The following SEPTIN11 variants were observed in gnomAD, a reference collection of about 807,000 sequenced individuals.
SEPTIN11 encodes septin 11.
SEPTIN11 carries 25 observed loss-of-function variants against 51.4 expected under a neutral mutation model. The ratio of observed to expected loss-of-function variants is 0.49; its 90% CI spans 0.35 to 0.68. The LOEUF is 0.68. Among genes scored for constraint, SEPTIN11 ranks in the 30% least tolerant of loss-of-function variants. SEPTIN11 has a pLI of 0.00. For synonymous variants in SEPTIN11, 174 were observed against 184.1 expected, an observed-to-expected ratio of 0.95 and a Z score of 0.44; for missense variants, 381 against 520.8, an observed-to-expected ratio of 0.73 and a Z score of 2.61.
chr4:77,036,447 T>C lies in SEPTIN11; in HGVS notation c.*1935T>C. The C allele has an allele frequency of 8.4e-7, 1 of 1,192,134 alleles. No homozygotes were observed. The highest frequency in any genetic ancestry group is 1.0e-6 in the Non-Finnish European group (1 of 956,470). The allele number at this position is 1,192,134 out of a possible 1,614,324, so 73.8% of individuals were successfully genotyped here. A position where few individuals can be genotyped will look rare whatever the true frequency, so the allele number is the denominator to read the frequency against. On this transcript the variant is annotated 3_prime_UTR_variant, in exon 10 of 10. Transcript: ENST00000264893. ...ACCACCGCTTGTGTGAGCATTTTTG[T>C]GGCTTGTACAGAAAGTACACTTTTA...
chr4:76,998,474 C>T (rs1325989048), intron 2 of SEPTIN11, among the ~76,000 whole-genome samples: 1 of 152,210 alleles, frequency 6.6e-6, no homozygotes, highest in East Asian at 1.9e-4. Context: ...TGGAAGCTGC[C>T]TGCATTCCTT....
At chr4:76,986,891 C>T (rs1723061439) in intron 1 of SEPTIN11, among the ~76,000 whole-genome samples, 1 of 151,800 alleles carries the variant, frequency 6.6e-6, no homozygotes, top group Non-Finnish European at 1.5e-5. Context: ...TCAAATGTTA[C>T]AGAAACAAAA....
At chr4:76,998,362 T>A (rs144814303) in intron 2 of SEPTIN11, among the ~76,000 whole-genome samples, 102 of 152,296 alleles carry the variant, frequency 6.7e-4, no homozygotes, top group African/African-American at 2.4e-3. Flanking sequence ...AGGAAATTGC[T>A]TTTGGTGGCT....
intron 1 of SEPTIN11, among the ~76,000 whole-genome samples, chr4:76,965,083 G>T (rs189234070): frequency 3.9e-5 from 6 of 152,154 alleles, no homozygotes; most frequent in Non-Finnish European, 7.4e-5. Context: ...GCAGAGATAT[G>T]CCTAAGTCTG....
rs559238220 is a variant in SEPTIN11 at position 77,029,599 on chromosome 4, G to T, written c.1086+838G>T. On this transcript the variant is annotated intron_variant, in intron 8 of 9. Coordinates refer to ENST00000264893, the MANE Select transcript of SEPTIN11 (RefSeq NM_018243.4). ...TTGCTGTTGGCTTCAAGAACCAAGGGGATGCTGGGTAAAAAATCTAAAATT... is the reference window on the plus strand; with the variant it reads ...TTGCTGTTGGCTTCAAGAACCAAGGTGATGCTGGGTAAAAAATCTAAAATT... Among the ~76,000 whole-genome samples the T allele has an allele frequency of 2.1e-3, 324 of 152,092 alleles. 1 individual carries two copies. Among genetic ancestry groups the T allele is most frequent in the African/African-American group, 7.6e-3 (315 of 41,466 alleles).
At chr4:77,002,543 T>C (rs1246527083) in intron 2 of SEPTIN11, among the ~76,000 whole-genome samples, 2 of 152,214 alleles carry the variant, frequency 1.3e-5, no homozygotes, top group East Asian at 1.9e-4. Flanking sequence ...TGAAAAGAAG[T>C]TGGCTCTGCT....
intron 1 of SEPTIN11, among the ~76,000 whole-genome samples, chr4:76,981,378 C>G (rs1022650892): frequency 6.6e-6 from 1 of 152,136 alleles, no homozygotes. Context: ...ATTAACTGAT[C>G]AAGACAAGAA....
At chr4:77,008,341 G>A (rs530507747) in intron 3 of SEPTIN11, among the ~76,000 whole-genome samples, 81 of 152,280 alleles carry the variant, frequency 5.3e-4, no homozygotes, top group African/African-American at 1.9e-3. Context: ...GCCCTCAAAG[G>A]CAGAGATAAT....
chr4:77,010,864 GTGGGTTTCCCACAATGACCTAATATA>G (rs1365744462), intron 3 of SEPTIN11, among the ~76,000 whole-genome samples: 1 of 152,218 alleles, frequency 6.6e-6, no homozygotes, highest in Non-Finnish European at 1.5e-5. Flanking sequence ...GAAAGAATTA[GTGGGTTTCCCACAATGACCTAATATA>G]CTACTTACTT....
chr4:77,001,965 C>T (rs1724150439), intron 2 of SEPTIN11, among the ~76,000 whole-genome samples: 1 of 152,124 alleles, frequency 6.6e-6, no homozygotes, highest in Non-Finnish European at 1.5e-5. Flanking sequence ...ACAGTGAGAC[C>T]CTGTCTGTTA....
intron 3 of SEPTIN11, among the ~76,000 whole-genome samples, chr4:77,011,449 AG>A (rs1471549273): frequency 6.7e-6 from 1 of 150,192 alleles, no homozygotes; most frequent in Non-Finnish European, 1.5e-5. Flanking sequence ...GGAGAAGAGT[AG>A]GAAAAAGACA....
chr4:77,036,383 A>T lies in SEPTIN11; in HGVS notation c.*1871A>T. 1 of 1,078,990 alleles carries T rather than the reference A, an allele frequency of 9.3e-7. No individual in the cohort carries two copies. Among genetic ancestry groups the T allele is most frequent in the African/African-American group, 1.7e-5 (1 of 58,380 alleles). 66.8% of individuals were successfully genotyped at this position (1,078,990 alleles called of 1,614,324 possible). A position where few individuals can be genotyped will look rare whatever the true frequency, so the allele number is the denominator to read the frequency against. ...TGAATTTGCTCATAGGCTGTGCATC[A>T]GACAAAAGCTTGAATATTTGTGTTG... On this transcript the variant is annotated 3_prime_UTR_variant, in exon 10 of 10. Transcript: ENST00000264893.
chr4:77,025,101 T>TG (rs1314334768), intron 7 of SEPTIN11, among the ~76,000 whole-genome samples: 1 of 141,706 alleles, frequency 7.1e-6, no homozygotes, highest in Non-Finnish European at 1.6e-5. Flanking sequence ...TCCCAAGGGC[T>TG]GTTAAGAGGA....
intron 1 of SEPTIN11, among the ~76,000 whole-genome samples, chr4:76,970,234 G>T (rs1429296688): frequency 6.6e-6 from 1 of 152,188 alleles, no homozygotes; most frequent in Non-Finnish European, 1.5e-5. Context: ...AGGAGGACTA[G>T]TTTTCTGAAT....
intron 2 of SEPTIN11, among the ~76,000 whole-genome samples, chr4:77,002,177 T>C (rs1339906744): frequency 5.3e-5 from 8 of 152,228 alleles, no homozygotes; most frequent in Admixed American, 4.6e-4. Context: ...AGTGGTTTTT[T>C]TCAACCCATT....
At chr4:76,998,787 C>G (rs924342149) in intron 2 of SEPTIN11, among the ~76,000 whole-genome samples, 1 of 152,074 alleles carries the variant, frequency 6.6e-6, no homozygotes, top group African/African-American at 2.4e-5. Context: ...GTCAGCATCA[C>G]CAGCCGAGCA....
chr4:76,964,579 A>G (rs1482179588), intron 1 of SEPTIN11, among the ~76,000 whole-genome samples: 1 of 152,228 alleles, frequency 6.6e-6, no homozygotes, highest in Non-Finnish European at 1.5e-5. Context: ...AGGATGAAGT[A>G]TATGGATGGT....
chr4:77,007,251 C>T (rs1724547787), intron 3 of SEPTIN11, among the ~76,000 whole-genome samples: 1 of 152,196 alleles, frequency 6.6e-6, no homozygotes, highest in Admixed American at 6.5e-5. Flanking sequence ...TCATTGCATA[C>T]TCACAGAATA....
intron 1 of SEPTIN11, among the ~76,000 whole-genome samples, chr4:76,989,839 G>A (rs556167226): frequency 6.6e-6 from 1 of 152,288 alleles, no homozygotes; most frequent in South Asian, 2.1e-4. Flanking sequence ...TATCCTAAGT[G>A]TCTAGTAGGC....
Sources: gnomAD v4.1 joint callset for allele counts (sites outside exome capture counted in the v4.1 genomes callset) on GRCh38, gnomAD v4.1.1 for gene constraint, MANE v1.5 for transcripts, NCBI Gene and HGNC (gene_info 2026-07-23, HGNC 2026-07-21) for gene names.